Variants in SELENOO observed in about 807,000 individuals in gnomAD.
SELENOO encodes the protein protein adenylyltransferase SelO, mitochondrial.
SELENOO carries 74 observed loss-of-function variants against 58.7 expected under a neutral mutation model. That is an observed-to-expected ratio of 1.26 (90% CI 1.04 to 1.53). SELENOO has a LOEUF of 1.53. Among genes scored for constraint, SELENOO ranks in the 40% most tolerant of loss-of-function variants. SELENOO has a pLI of 0.00. For missense variants in SELENOO, 1,149 were observed against 970.0 expected (o/e 1.18, Z -2.45); for synonymous variants, 543 against 453.2 (o/e 1.20, Z -2.52).
intron 1 of SELENOO, among the ~76,000 whole-genome samples, chr22:50,203,537 G>A (rs1432921324): frequency 6.6e-6 from 1 of 152,194 alleles, no homozygotes; most frequent in Non-Finnish European, 1.5e-5. Flanking sequence ...TAGACCAGTG[G>A]GATGGAATAA....
Position 50,215,899 on chromosome 22 carries a change from G to A in SELENOO, c.1502+32G>A, listed in dbSNP as rs188153820. On this transcript the variant is annotated intron_variant, in intron 6 of 8. Transcript: ENST00000380903. ...ACTCAGTTCCTACTTCTTTGGATTTGTTTCCAGAAAAGGAAGCATAATCAG... is the reference window on the plus strand; with the variant it reads ...ACTCAGTTCCTACTTCTTTGGATTTATTTCCAGAAAAGGAAGCATAATCAG... The A allele has an allele frequency of 2.9e-3, 4,489 of 1,561,076 alleles. 13 individuals are homozygous for A. Among genetic ancestry groups the A allele is most frequent in the Non-Finnish European group, 3.4e-3 (3,945 of 1,145,654 alleles).
intron 7 of SELENOO, 24 bp downstream of exon 7, chr22:50,216,900 CG>C: frequency 1.2e-6 from 2 of 1,602,482 alleles, no homozygotes; most frequent in Non-Finnish European, 8.5e-7. Context: ...CCATGGTCAC[CG>C]GGGGACGGCG....
rs748986919 is a variant in SELENOO at position 50,217,223 on chromosome 22, C to G, written c.1864C>G (p.Leu622Val). 6.2e-7 allele frequency: 1 copy of G among 1,611,064 alleles called. No homozygotes were observed. The change falls in exon 9 of 9, where the codon CTA becomes GTA. Residue 622 changes from leucine (L) to valine (V), a missense_variant. Leu to Val is a conservative substitution (Grantham distance 32, BLOSUM62 1). Coordinates refer to ENST00000380903, the MANE Select transcript of SELENOO (RefSeq NM_031454.2). ...CCTCCAGGTGCGGCGGGTGCTGAAACTACTGGAGACCCCTTACCACTGCGA... is the reference window on the plus strand; with the variant it reads ...CCTCCAGGTGCGGCGGGTGCTGAAAGTACTGGAGACCCCTTACCACTGCGA... ...DFSEVRRVLK[L>V]LETPYHCEAG... is the part of the protein sequence containing the mutation.
Position 50,210,058 on chromosome 22 carries a change from G to A in SELENOO, c.940-123G>A, listed in dbSNP as rs898261754. 15 of 1,205,248 alleles carry A rather than the reference G, an allele frequency of 1.2e-5. No individual in the cohort carries two copies. The African/African-American group carries it at 1.8e-4, about 15-fold the overall frequency. The allele number at this position is 1,205,248 out of a possible 1,614,324, so 74.7% of individuals were successfully genotyped here. A position where few individuals can be genotyped will look rare whatever the true frequency, so the allele number is the denominator to read the frequency against. On this transcript the variant is annotated intron_variant, in intron 3 of 8. Coordinates refer to ENST00000380903, the MANE Select transcript of SELENOO (RefSeq NM_031454.2). Reference sequence around the variant, plus strand: ...GACAGGACATCAGGAAGATCGCCCAGAAACTGCAGAGTGAGAGCCACTCAG... The same window carrying A: ...GACAGGACATCAGGAAGATCGCCCAAAAACTGCAGAGTGAGAGCCACTCAG...
At chr22:50,207,384 A>G (rs948793357) in intron 2 of SELENOO, among the ~76,000 whole-genome samples, 24 of 152,004 alleles carry the variant, frequency 1.6e-4, no homozygotes, top group Admixed American at 9.2e-4. Context: ...TTGGCCTCCT[A>G]AAGTGCTAGA....
At chr22:50,201,641 C>T (rs1457433255) in intron 1 of SELENOO, 51 bp downstream of exon 1, 3 of 1,191,506 alleles carry the variant, frequency 2.5e-6, no homozygotes, top group Admixed American at 4.4e-5. Flanking sequence ...GCCGGGGCGC[C>T]CCTTCCCTCC....
intron 1 of SELENOO, among the ~76,000 whole-genome samples, chr22:50,204,312 C>T (rs2064318893): frequency 6.6e-6 from 1 of 151,954 alleles, no homozygotes; most frequent in African/African-American, 2.4e-5. Flanking sequence ...GCCTGGGCGA[C>T]AGGGCAAGAC....
At chr22:50,201,618 G>A (rs1431609662) in intron 1 of SELENOO, 28 bp downstream of exon 1, 2 of 1,245,116 alleles carry the variant, frequency 1.6e-6, no homozygotes, top group East Asian at 6.6e-5. Context: ...AGGGGCGCGG[G>A]TGGGTCCTCC....
intron 5 of SELENOO, among the ~76,000 whole-genome samples, chr22:50,213,634 G>T (rs1042544710): frequency 6.6e-6 from 1 of 151,816 alleles, no homozygotes; most frequent in African/African-American, 2.4e-5. Flanking sequence ...ATTTCTCATT[G>T]ATCTTCTGTC....
At position 50,212,509 on chromosome 22, in the gene SELENOO, C is replaced by T. The variant is rs191760169; in HGVS notation, c.1351+1598C>T. Among the ~76,000 whole-genome samples the T allele has an allele frequency of 3.3e-5, 5 of 152,278 alleles. No homozygotes were observed. In the East Asian group the frequency reaches 5.8e-4, roughly 18 times the overall value. On this transcript the variant is annotated intron_variant, in intron 5 of 8. Coordinates refer to ENST00000380903, the MANE Select transcript of SELENOO (RefSeq NM_031454.2). ...TATCCTCTTAAATTGTGGAGGGCAC[C>T]GCACATCACAGCTGACGCAGGAGCA...
Position 50,210,893 on chromosome 22 carries a change from G to C in SELENOO, c.1333G>C (p.Glu445Gln). 6.2e-7 allele frequency: 1 copy of C among 1,614,104 alleles called. No homozygotes were observed. Among genetic ancestry groups the C allele is most frequent in the Non-Finnish European group, 8.5e-7 (1 of 1,180,036 alleles). ...EDGALVSKLL[E>Q]TMHLTGADFT... Reference sequence around the variant, plus strand: ...CGGGGCGCTGGTGTCCAAGCTCCTGGAGACCATGCATCTGACCGGTGAGTG... The same window carrying C: ...CGGGGCGCTGGTGTCCAAGCTCCTGCAGACCATGCATCTGACCGGTGAGTG... The change falls in exon 5 of 9, where the codon GAG becomes CAG. Residue 445 changes from glutamate (E) to glutamine (Q), a missense_variant. By Grantham distance (29) the Glu-to-Gln change is conservative. Coordinates refer to ENST00000380903, the MANE Select transcript of SELENOO (RefSeq NM_031454.2).
chr22:50,206,163 C>A, intron 1 of SELENOO, 154 bp from the exon 2 acceptor site: 1 of 642,770 alleles, frequency 1.6e-6, no homozygotes, highest in Non-Finnish European at 2.7e-6. Context: ...TGGAGGCTCA[C>A]AAGGCACCTG....
chr22:50,215,704 G>A lies in SELENOO; in HGVS notation c.1352-13G>A. 6 of 1,579,208 alleles carry A rather than the reference G, an allele frequency of 3.8e-6. No homozygotes were observed. Among genetic ancestry groups the A allele is most frequent in the South Asian group, 1.1e-5 (1 of 89,244 alleles). The stretch of plus-strand genomic sequence containing the variant: ...CCTTCTGCTTCCAGCTCCCTGAGCA[G>A]CCTGTGTTCCAGGTGCCGACTTCAC... On this transcript the variant is annotated splice_polypyrimidine_tract_variant and intron_variant, in intron 5 of 8. Transcript: ENST00000380903.
At chr22:50,205,941 G>A in intron 1 of SELENOO, 2 of 262,904 alleles carry the variant, frequency 7.6e-6, no homozygotes, top group East Asian at 1.1e-4. Flanking sequence ...CCGTACCGGG[G>A]CACCCATCCT....
At position 50,217,377 on chromosome 22, in the gene SELENOO, G is replaced by A. The variant is rs200862790; in HGVS notation, c.*8G>A. Reference sequence around the variant, plus strand: ...GTGACATGATCTTCGTAACGGCCTCGGCACGCTCCACACCCCTGGAGTCTC... The same window carrying A: ...GTGACATGATCTTCGTAACGGCCTCAGCACGCTCCACACCCCTGGAGTCTC... On this transcript the variant is annotated 3_prime_UTR_variant, in exon 9 of 9. Transcript: ENST00000380903. 2.2e-3 allele frequency: 3,568 copies of A among 1,612,404 alleles called. 9 individuals are homozygous for A. The highest frequency in any genetic ancestry group is 2.7e-3 in the Non-Finnish European group (3,164 of 1,179,812).
Position 50,217,288 on chromosome 22 carries a change from C to T in SELENOO, c.1929C>T (p.Asp643=), listed in dbSNP as rs756306484. The change falls in exon 9 of 9, where the codon GAC becomes GAT. Residue 643 remains aspartate, a synonymous_variant. Transcript: ENST00000380903. The part of the protein sequence containing the change: ...AATDAEATEA[D]GADGRQRSYS... ...CAGACGCCGAGGCCACGGAAGCCGA[C>T]GGGGCGGACGGCAGGCAGCGCTCCT... is the stretch of plus-strand genomic sequence containing the variant. 58 of 1,612,484 alleles carry T rather than the reference C, an allele frequency of 3.6e-5. No homozygotes were observed. The highest frequency in any genetic ancestry group is 4.7e-5 in the Non-Finnish European group (55 of 1,179,824).
At chr22:50,210,461 C>T in intron 4 of SELENOO, 150 bp downstream of exon 4, 1 of 1,354,436 alleles carries the variant, frequency 7.4e-7, no homozygotes, top group East Asian at 2.4e-5. Context: ...GAGTCCAGGG[C>T]AATCCCGGAG....
intron 4 of SELENOO, 76 bp from the exon 5 acceptor site, chr22:50,210,554 TC>T: frequency 6.3e-7 from 1 of 1,592,652 alleles, no homozygotes. Flanking sequence ...CCCCTGGGCC[TC>T]CCCTCCAGGG....
chr22:50,206,022 A>T, intron 1 of SELENOO: 2 of 471,482 alleles, frequency 4.2e-6, no homozygotes, highest in Middle Eastern at 1.2e-3. Flanking sequence ...GCAGTCACAC[A>T]GTCCTGGCTT....
Sources: gnomAD v4.1 joint callset for allele counts (sites outside exome capture counted in the v4.1 genomes callset) on GRCh38, gnomAD v4.1.1 for gene constraint, MANE v1.5 for transcripts, NCBI Gene and HGNC (gene_info 2026-07-23, HGNC 2026-07-21) for gene names.